Variants in HECW1 observed in about 807,000 individuals in gnomAD.
The protein encoded by HECW1 is HECT, C2 and WW domain containing E3 ubiquitin protein ligase 1.
Under a neutral mutation model 182.3 loss-of-function variants are expected in HECW1, and 61 were observed. That is an observed-to-expected ratio of 0.33 (90% CI 0.27 to 0.41). The LOEUF is 0.41. HECW1 is among the 10% of genes least tolerant of loss of function. HECW1 has a pLI of 1.00. For missense variants in HECW1, 1,739 were observed against 2,108.9 expected (o/e 0.82, Z 3.44); for synonymous variants, 859 against 832.6 (o/e 1.03, Z -0.55).
At chr7:43,361,047 C>A (rs1815819193) in intron 6 of HECW1, 67 bp downstream of exon 6, 4 of 1,040,656 alleles carry the variant, frequency 3.8e-6, no homozygotes, top group African/African-American at 1.9e-5. Context: ...CTATTTTGTT[C>A]TTGTGCGTGC....
In HECW1 at chr7:43,501,201, T is replaced by G; in HGVS notation, c.3522-12T>G. On this transcript the variant is annotated splice_polypyrimidine_tract_variant and intron_variant, in intron 20 of 29. Coordinates refer to ENST00000395891, the MANE Select transcript of HECW1 (RefSeq NM_015052.5). ...TTTCTTTCTTTTTTTTTTTTTTTTT[T>G]TTCATATGCAGTCTCTTTGAAGAAG... 8.2e-7 allele frequency: 1 copy of G among 1,222,690 alleles called. No individual in the cohort carries two copies. Among genetic ancestry groups the G allele is most frequent in the South Asian group, 1.4e-5 (1 of 73,922 alleles). The allele number at this position is 1,222,690 out of a possible 1,614,324, so 75.7% of individuals were successfully genotyped here.
chr7:43,293,023 G>T (rs1206697049), intron 3 of HECW1, among the ~76,000 whole-genome samples: 2 of 152,070 alleles, frequency 1.3e-5, no homozygotes, highest in Non-Finnish European at 2.9e-5. Context: ...AGGAGATCAA[G>T]ATCATCCTAG....
At chr7:43,450,205 C>G (rs572574964) in intron 11 of HECW1, among the ~76,000 whole-genome samples, 20 of 152,194 alleles carry the variant, frequency 1.3e-4, no homozygotes, top group African/African-American at 4.3e-4. Flanking sequence ...TCAAAATAAT[C>G]TGGACAGTCC....
intron 8 of HECW1, among the ~76,000 whole-genome samples, chr7:43,426,082 G>C (rs1347106626): frequency 6.6e-6 from 1 of 152,152 alleles, no homozygotes; most frequent in East Asian, 1.9e-4. Context: ...CTAACAAGCT[G>C]TCTGATGGGA....
At chr7:43,492,741 A>C (rs1167804657) in intron 18 of HECW1, among the ~76,000 whole-genome samples, 1 of 152,218 alleles carries the variant, frequency 6.6e-6, no homozygotes, top group Non-Finnish European at 1.5e-5. Flanking sequence ...CAAAATGACC[A>C]AGAAAAGTTA....
Position 43,364,825 on chromosome 7 carries a change from G to GA in HECW1, c.555+3849dup, listed in dbSNP as rs528632184. On this transcript the variant is annotated intron_variant, in intron 6 of 29. Coordinates refer to ENST00000395891, the MANE Select transcript of HECW1 (RefSeq NM_015052.5). ...TTATGTCTTTCTTTTATTTTCTGTA[G>GA]AAAATCACTGTCAAAGCAAGCTCTT... is the stretch of plus-strand genomic sequence containing the variant. 3.7e-4 allele frequency among the ~76,000 whole-genome samples: 57 copies of GA among 152,254 alleles called. 1 individual carries two copies. In the South Asian group the frequency reaches 0.011, roughly 30 times the overall value.
intron 8 of HECW1, among the ~76,000 whole-genome samples, chr7:43,412,912 A>T (rs1317342671): frequency 4.0e-5 from 6 of 148,174 alleles, no homozygotes; most frequent in Non-Finnish European, 9.0e-5. Flanking sequence ...CGCAATAAAC[A>T]TACGTGTGCA....
intron 2 of HECW1, among the ~76,000 whole-genome samples, chr7:43,235,900 AAT>A (rs1167245151): frequency 6.6e-6 from 1 of 152,174 alleles, no homozygotes; most frequent in African/African-American, 2.4e-5. Context: ...TTCAAAAATT[AAT>A]GAAGTGCCGG....
At chr7:43,292,011 C>G (rs1160049347) in intron 3 of HECW1, among the ~76,000 whole-genome samples, 1 of 152,200 alleles carries the variant, frequency 6.6e-6, no homozygotes, top group Non-Finnish European at 1.5e-5. Flanking sequence ...TCTAGTGATT[C>G]AGGGTCACCC....
At chr7:43,493,292 C>A (rs2079001185) in intron 19 of HECW1, 112 bp downstream of exon 19, 3 of 639,978 alleles carry the variant, frequency 4.7e-6, no homozygotes, top group Non-Finnish European at 8.0e-6. Flanking sequence ...TGTATTTGTG[C>A]ATTTAAATGA....
chr7:43,257,490 G>A (rs141964999), intron 3 of HECW1, among the ~76,000 whole-genome samples: 105 of 152,272 alleles, frequency 6.9e-4, no homozygotes, highest in African/African-American at 2.5e-3. Context: ...GAAGCAAGAG[G>A]CATGGGGTTT....
intron 5 of HECW1, among the ~76,000 whole-genome samples, chr7:43,339,408 G>A (rs1387869260): frequency 6.6e-6 from 1 of 152,080 alleles, no homozygotes; most frequent in African/African-American, 2.4e-5. Flanking sequence ...CATGCATAAA[G>A]TTCCTAATTT....
chr7:43,169,913 G>A (rs76879900), intron 2 of HECW1, among the ~76,000 whole-genome samples: 1,686 of 152,144 alleles, frequency 0.011, 26 homozygotes, highest in African/African-American at 0.039. Context: ...TTGATTTTGA[G>A]CCTCTAGGGT....
At chr7:43,389,907 A>G (rs78286853) in intron 6 of HECW1, among the ~76,000 whole-genome samples, 18,416 of 152,158 alleles carry the variant, frequency 0.12, 1,289 homozygotes, top group Middle Eastern at 0.29. Flanking sequence ...CGCTGAGATT[A>G]CAGGTGTGAG....
chr7:43,280,832 ACT>A (rs1208675120), intron 3 of HECW1, among the ~76,000 whole-genome samples: 1 of 151,834 alleles, frequency 6.6e-6, no homozygotes, highest in African/African-American at 2.4e-5. Context: ...GGACAATAAC[ACT>A]CTTGCTCACT....
chr7:43,400,140 G>A (rs1444956557), intron 7 of HECW1, among the ~76,000 whole-genome samples: 4 of 152,212 alleles, frequency 2.6e-5, no homozygotes, highest in African/African-American at 4.8e-5. Flanking sequence ...GGAAGCTGGG[G>A]CAGGAGGATC....
intron 16 of HECW1, among the ~76,000 whole-genome samples, chr7:43,475,520 TA>T (rs1248041690): frequency 6.6e-6 from 1 of 152,168 alleles, no homozygotes; most frequent in African/African-American, 2.4e-5. Context: ...AAGTGTTTTT[TA>T]AAAATTACTT....
At chr7:43,251,368 A>T (rs1349434065) in intron 3 of HECW1, among the ~76,000 whole-genome samples, 1 of 152,058 alleles carries the variant, frequency 6.6e-6, no homozygotes, top group East Asian at 1.9e-4. Flanking sequence ...GGAGTGCGAT[A>T]GCGCGGCCTT....
intron 2 of HECW1, among the ~76,000 whole-genome samples, chr7:43,171,533 G>C (rs745769916): frequency 7.2e-5 from 11 of 152,154 alleles, no homozygotes; most frequent in Non-Finnish European, 1.5e-4. Context: ...ATGCTCAGGA[G>C]CTCCATGTTC....
Sources: allele counts gnomAD v4.1 joint callset (sites outside exome capture counted in the v4.1 genomes callset), GRCh38; gene constraint gnomAD v4.1.1; transcripts MANE v1.5; gene names NCBI Gene and HGNC (gene_info 2026-07-23, HGNC 2026-07-21).